The following PDE4A variants were observed in gnomAD, a reference collection of about 807,000 sequenced individuals.
PDE4A encodes the protein 3',5'-cyclic-AMP phosphodiesterase 4A.
In PDE4A, 21 loss-of-function variants were observed where a neutral mutation model predicts 73.9. The ratio of observed to expected loss-of-function variants is 0.28; its 90% CI spans 0.20 to 0.41. The LOEUF is 0.41. PDE4A is among the 10% of genes least tolerant of loss of function. The pLI, the probability that PDE4A is intolerant of heterozygous loss-of-function variation, is 1.00. For missense variants in PDE4A, 958 were observed against 1,211.4 expected (o/e 0.79, Z 3.10); for synonymous variants, 463 against 505.4 (o/e 0.92, Z 1.13).
rs995064267 is a variant in PDE4A, at chr19:10,461,978, T to A, written c.1722T>A (p.Asp574Glu). 1 of 1,613,794 alleles carries A rather than the reference T, an allele frequency of 6.2e-7. No individual in the cohort carries two copies. The highest frequency in any genetic ancestry group is 2.2e-5 in the East Asian group (1 of 44,878). Residue 574 changes from aspartate to glutamate, a missense_variant, in exon 13 of 15, where the codon GAT (aspartate) becomes GAA (glutamate). Asp to Glu is a conservative substitution (Grantham distance 45). Around this residue, in one of 3 missense-constraint regions of PDE4A, gnomAD observed 570 missense variants for 827.7 expected, o/e 0.69. Coordinates refer to ENST00000380702, the MANE Select transcript of PDE4A (RefSeq NM_001111307.2). ...KVTSSGVLLL[D>E]NYSDRIQVLR... ...CCAGCTCAGGGGTCCTCCTGCTAGA[T>A]AACTACTCCGACCGCATCCAGGTGC...
chr19:10,450,368 A>G, intron 4 of PDE4A: 2 of 402,476 alleles, frequency 5.0e-6, no homozygotes, highest in African/African-American at 2.2e-5. Context: ...CTTAAGGCGG[A>G]TCAGCCATGT....
upstream of PDE4A, chr19:10,417,661 G>A (rs780302553): frequency 3.1e-6 from 5 of 1,592,566 alleles, no homozygotes; most frequent in East Asian, 1.1e-4. Context: ...CCTCCCCAGA[G>A]GTCGAGGGAG....
rs1033128066 is a variant in PDE4A at position 10,424,882 on chromosome 19, C to T, written c.320+3798C>T. Among the ~76,000 whole-genome samples, 1 of 152,202 alleles carries T rather than the reference C, an allele frequency of 6.6e-6. No homozygotes were observed. Among genetic ancestry groups the T allele is most frequent in the African/African-American group, 2.4e-5 (1 of 41,460 alleles). On this transcript the variant is annotated intron_variant, in intron 1 of 14. Transcript: ENST00000380702. This position sits in a 1 kb window ranked among gnomAD's most constrained non-coding sequence, Gnocchi z 4.8. ...CGCTTCCTGCCCGGGAAACAGAGAC[C>T]ATGGGACTTGCCCAAGGTCACACAG...
chr19:10,417,558 A>T, upstream of PDE4A: 1 of 1,454,468 alleles, frequency 6.9e-7, no homozygotes, highest in Non-Finnish European at 9.1e-7. Flanking sequence ...CTATACCGCC[A>T]TTAACTACTC....
intron 13 of PDE4A, among the ~76,000 whole-genome samples, chr19:10,462,917 G>C (rs955821204): frequency 7.9e-5 from 12 of 152,118 alleles, no homozygotes; most frequent in African/African-American, 2.9e-4. Context: ...CTGAAAGCTG[G>C]GTGTGGTGGC....
At position 10,446,374 on chromosome 19, in the gene PDE4A, G is replaced by A. The variant is rs200016859; in HGVS notation, c.477G>A (p.Lys159=). 1.5e-5 allele frequency: 25 copies of A among 1,613,498 alleles called. No individual in the cohort carries two copies. Among genetic ancestry groups the A allele is most frequent in the Non-Finnish European group, 1.6e-5 (19 of 1,179,510 alleles). ...ACAGCGACTATGACATGTCACCCAAGACCATGTCCCGGAACTCATCGGTCA... is the reference window on the plus strand; with the variant it reads ...ACAGCGACTATGACATGTCACCCAAAACCATGTCCCGGAACTCATCGGTCA... ...RSDSDYDMSP[K]TMSRNSSVTS... is the part of the protein sequence containing the mutation. Residue 159 remains lysine (K), a synonymous_variant, in exon 2 of 15, where the codon AAG becomes AAA. Coordinates refer to ENST00000380702, the MANE Select transcript of PDE4A (RefSeq NM_001111307.2).
upstream of PDE4A, chr19:10,420,404 C>A (rs553303654): frequency 1.4e-4 from 140 of 972,650 alleles, 2 homozygotes; most frequent in South Asian, 5.9e-3. This position sits in a 1 kb window ranked among gnomAD's most constrained non-coding sequence, Gnocchi z 6.0. Context: ...AGCTGCCCCC[C>A]GCTGGCCCGG....
At position 10,458,193 on chromosome 19, in the gene PDE4A, G is replaced by A. The variant is rs541835321; in HGVS notation, c.1101+91G>A. The stretch of plus-strand genomic sequence containing the variant: ...GGCATTGGGTTATGTCTTAGGCCAG[G>A]TTTCCCAGAAGCAGAGCTTGAGATG... On this transcript the variant is annotated intron_variant, in intron 8 of 14. Coordinates refer to ENST00000380702, the MANE Select transcript of PDE4A (RefSeq NM_001111307.2). This position sits in a 1 kb window ranked among gnomAD's most constrained non-coding sequence, Gnocchi z 4.6. The A allele has an allele frequency of 1.3e-5, 16 of 1,255,526 alleles. No homozygotes were observed. The South Asian group carries it at 1.7e-4, about 14-fold the overall frequency. The allele number at this position is 1,255,526 out of a possible 1,614,324, so 77.8% of individuals were successfully genotyped here.
At chr19:10,432,369 A>C (rs975424516) in intron 1 of PDE4A, 109 of 1,319,532 alleles carry the variant, frequency 8.3e-5, no homozygotes, top group Non-Finnish European at 9.6e-5. Context: ...GGGCCTGGCC[A>C]GCAGCGCGCG....
At chr19:10,432,876 G>A (rs1412184128) in intron 1 of PDE4A, among the ~76,000 whole-genome samples, 2 of 152,122 alleles carry the variant, frequency 1.3e-5, no homozygotes, top group Admixed American at 6.5e-5. Flanking sequence ...TGGGTGTCCA[G>A]CGTCACCTGG....
chr19:10,467,478 C>G lies in PDE4A; in HGVS notation c.2518C>G (p.Pro840Ala). The G allele has an allele frequency of 6.2e-7, 1 of 1,613,102 alleles. No individual in the cohort carries two copies. The highest frequency in any genetic ancestry group is 2.2e-5 in the East Asian group (1 of 44,838). ...GCATGCCCCGGGCCTCCCGGGCCTC[C>G]CCTCCACGGCGGCCGAGGTGGAGGC... ...SEHAPGLPGL[P>A]STAAEVEAQR... Residue 840 changes from proline (P) to alanine (A), a missense_variant, in exon 15 of 15, where the codon CCC becomes GCC. Coordinates refer to ENST00000380702, the MANE Select transcript of PDE4A (RefSeq NM_001111307.2).
chr19:10,462,684 C>T (rs2043293809), intron 13 of PDE4A, among the ~76,000 whole-genome samples: 1 of 152,088 alleles, frequency 6.6e-6, no homozygotes, highest in African/African-American at 2.4e-5. Context: ...CCCATCTCTC[C>T]CACCATTTCC....
intron 6 of PDE4A, among the ~76,000 whole-genome samples, chr19:10,452,130 A>T (rs766428572): frequency 6.6e-6 from 1 of 151,276 alleles, no homozygotes; most frequent in Non-Finnish European, 1.5e-5. Context: ...AGGGCAGTGG[A>T]TATTTGCAAT....
rs984643197 is a variant in PDE4A at position 10,427,495 on chromosome 19, C to T, written c.320+6411C>T. ...AGGTGACAGGCAGCTCATGTAAGGGCTCATAGACCATTAGGCCATGATCAA... is the reference window on the plus strand; with the variant it reads ...AGGTGACAGGCAGCTCATGTAAGGGTTCATAGACCATTAGGCCATGATCAA... On this transcript the variant is annotated intron_variant, in intron 1 of 14. Transcript: ENST00000380702. 8.1e-6 allele frequency: 8 copies of T among 985,210 alleles called. No individual in the cohort carries two copies. In the East Asian group the frequency reaches 6.8e-4, roughly 84 times the overall value. 61.0% of individuals were successfully genotyped at this position (985,210 alleles called of 1,614,324 possible).
At chr19:10,449,041 T>C in intron 3 of PDE4A, 39 bp from the exon 4 acceptor site, 1 of 1,612,102 alleles carries the variant, frequency 6.2e-7, no homozygotes. Flanking sequence ...GCTGCCTCTC[T>C]AGGGGAACCC....
chr19:10,461,383 G>A, intron 11 of PDE4A, 143 bp from the exon 12 acceptor site: 1 of 1,469,492 alleles, frequency 6.8e-7, no homozygotes, highest in Non-Finnish European at 9.0e-7. Context: ...GAAAGGGGAT[G>A]GCCGGGCTGG....
intron 1 of PDE4A, among the ~76,000 whole-genome samples, chr19:10,432,819 T>TAATG (rs2042813851): frequency 6.6e-6 from 1 of 152,162 alleles, no homozygotes; most frequent in Non-Finnish European, 1.5e-5. Flanking sequence ...GTCACCCTCT[T>TAATG]TGTGTCCTTA....
In PDE4A at chr19:10,465,900, C is replaced by T. The variant is rs151215130; in HGVS notation, c.1927-987C>T. ...ATTTTTAGTAGAGACAGGGTTTCAC[C>T]ATGTTGGCCAGGCTGGTCTTGAACT... On this transcript the variant is annotated intron_variant, in intron 14 of 14. Coordinates refer to ENST00000380702, the MANE Select transcript of PDE4A (RefSeq NM_001111307.2). 6.0e-3 allele frequency among the ~76,000 whole-genome samples: 901 copies of T among 149,764 alleles called. 14 individuals are homozygous for T. The highest frequency in any genetic ancestry group is 0.021 in the African/African-American group (855 of 41,016).
chr19:10,466,972 C>G lies in PDE4A; in HGVS notation c.2012C>G (p.Thr671Ser). ...CCAGATGCCCAGGAGATCTTGGACA[C>G]TTTGGAGGACAACCGGGACTGGTAC... The part of the protein sequence containing the change: ...VHPDAQEILD[T>S]LEDNRDWYYS... Residue 671 changes from threonine to serine, a missense_variant, in exon 15 of 15, where the codon ACT becomes AGT. Thr to Ser is a moderately conservative substitution (Grantham distance 58). This residue lies in a region of PDE4A where 570 missense variants were observed against 827.7 expected (regional missense o/e 0.69). Transcript: ENST00000380702. 1 of 1,614,170 alleles carries G rather than the reference C, an allele frequency of 6.2e-7. No individual in the cohort carries two copies. Among genetic ancestry groups the G allele is most frequent in the South Asian group, 1.1e-5 (1 of 91,088 alleles).
Sources: gnomAD v4.1 joint callset for allele counts (sites outside exome capture counted in the v4.1 genomes callset) on GRCh38, gnomAD v4.1.1 for gene constraint, gnomAD v4.1.1 regional missense constraint, Gnocchi (gnomAD v3.1) non-coding constraint, MANE v1.5 for transcripts, NCBI Gene and HGNC (gene_info 2026-07-23, HGNC 2026-07-21) for gene names.